TNS3: variants seen among roughly 807,000 people sequenced by gnomAD.
The protein encoded by TNS3 is tensin 3.
In TNS3, 45 loss-of-function variants were observed where a neutral mutation model predicts 140.9. The ratio of observed to expected loss-of-function variants is 0.32; its 90% CI spans 0.25 to 0.41. TNS3 has a LOEUF of 0.41. Among genes scored for constraint, TNS3 ranks in the 10% least tolerant of loss-of-function variants. The pLI, the probability that TNS3 is intolerant of heterozygous loss-of-function variation, is 1.00. For missense variants in TNS3, 1,716 were observed against 1,906.7 expected, an observed-to-expected ratio of 0.90 and a Z score of 1.86; for synonymous variants, 815 against 788.4, an observed-to-expected ratio of 1.03 and a Z score of -0.56.
rs535212543 is a variant in TNS3 at position 47,550,060 on chromosome 7, A to G, written c.-264-20913T>C. ...CCACTCAGCTAAACATTGGTCCCCA[A>G]ATGCAACACTGAGGTCTCCCCTGCG... On this transcript the variant is annotated intron_variant, in intron 1 of 30. Transcript: ENST00000311160. Among the ~76,000 whole-genome samples, 212 of 148,638 alleles carry G rather than the reference A, an allele frequency of 1.4e-3. 4 individuals carry two copies. The highest frequency in any genetic ancestry group is 2.5e-3 in the Non-Finnish European group (167 of 67,106).
At chr7:47,345,159 G>T in intron 18 of TNS3, 121 bp from the exon 19 acceptor site, 5 of 716,714 alleles carry the variant, frequency 7.0e-6, no homozygotes, top group Non-Finnish European at 1.2e-5. Flanking sequence ...CTGACAGTAG[G>T]ACAAGGAGGC....
At chr7:47,290,035 A>G (rs1176218934) in intron 27 of TNS3, among the ~76,000 whole-genome samples, 1 of 152,260 alleles carries the variant, frequency 6.6e-6, no homozygotes, top group Non-Finnish European at 1.5e-5. Context: ...GATATTGGTG[A>G]AAGAACAAAT....
chr7:47,535,479 G>C (rs1201553373), intron 1 of TNS3, among the ~76,000 whole-genome samples: 1 of 152,248 alleles, frequency 6.6e-6, no homozygotes, highest in African/African-American at 2.4e-5. Context: ...TGTGAAATGA[G>C]ACCAGACGGG....
At chr7:47,331,111 C>T (rs866928581) in intron 20 of TNS3, among the ~76,000 whole-genome samples, 4 of 152,188 alleles carry the variant, frequency 2.6e-5, no homozygotes, top group Admixed American at 1.3e-4. Context: ...GCCTCAAAGA[C>T]GGTGCCACTC....
chr7:47,395,870 G>C (rs1356913118), intron 16 of TNS3, among the ~76,000 whole-genome samples: 1 of 152,124 alleles, frequency 6.6e-6, no homozygotes, highest in Non-Finnish European at 1.5e-5. Flanking sequence ...GCCTATGAAG[G>C]AGCAAGCTTT....
intron 17 of TNS3, among the ~76,000 whole-genome samples, chr7:47,353,776 C>T (rs755781475): frequency 2.0e-5 from 3 of 152,108 alleles, no homozygotes; most frequent in Non-Finnish European, 4.4e-5. Flanking sequence ...CCTCAGCTGC[C>T]CTGGTCTTGC....
intron 1 of TNS3, among the ~76,000 whole-genome samples, chr7:47,546,858 C>G (rs1370745275): frequency 6.6e-6 from 1 of 152,174 alleles, no homozygotes; most frequent in Non-Finnish European, 1.5e-5. Context: ...CAGCACCCGC[C>G]TGGTAAGACA....
intron 17 of TNS3, among the ~76,000 whole-genome samples, chr7:47,352,353 C>T (rs1789735049): frequency 6.6e-6 from 1 of 152,216 alleles, no homozygotes; most frequent in Non-Finnish European, 1.5e-5. Flanking sequence ...CACAGTCTCA[C>T]ACTCATTCTC....
At chr7:47,305,221 T>A (rs1786677596) in intron 20 of TNS3, among the ~76,000 whole-genome samples, 1 of 152,158 alleles carries the variant, frequency 6.6e-6, no homozygotes, top group African/African-American at 2.4e-5. Context: ...CATCACTGTT[T>A]CCAAAAATAA....
At chr7:47,366,021 T>A (rs1790679658) in intron 17 of TNS3, among the ~76,000 whole-genome samples, 1 of 152,170 alleles carries the variant, frequency 6.6e-6, no homozygotes, top group South Asian at 2.1e-4. Flanking sequence ...CCACATACAC[T>A]CAGATGCCTC....
chr7:47,482,179 T>G (rs1188744357), intron 3 of TNS3, among the ~76,000 whole-genome samples: 1 of 152,236 alleles, frequency 6.6e-6, no homozygotes, highest in Non-Finnish European at 1.5e-5. Context: ...TCTGAAAATG[T>G]GCAACCGAAG....
intron 1 of TNS3, among the ~76,000 whole-genome samples, chr7:47,547,676 G>C (rs370174003): frequency 2.0e-5 from 3 of 152,212 alleles, no homozygotes; most frequent in African/African-American, 7.2e-5. Flanking sequence ...GGAGCCCTCA[G>C]CATGGCCCCA....
At chr7:47,447,043 C>A (rs1033106095) in intron 4 of TNS3, among the ~76,000 whole-genome samples, 1 of 91,058 alleles carries the variant, frequency 1.1e-5, no homozygotes, top group Non-Finnish European at 2.8e-5. Context: ...ATCCTGGCCA[C>A]GTGACAAACT....
intron 16 of TNS3, among the ~76,000 whole-genome samples, chr7:47,389,525 C>A (rs376115857): frequency 6.6e-6 from 1 of 152,208 alleles, no homozygotes; most frequent in African/African-American, 2.4e-5. Context: ...TGATTCCTGT[C>A]GGATTCGAAA....
At chr7:47,301,325 G>A (rs1204874367) in intron 23 of TNS3, among the ~76,000 whole-genome samples, 1 of 152,192 alleles carries the variant, frequency 6.6e-6, no homozygotes, top group Admixed American at 6.5e-5. Context: ...TGCCTTGCCA[G>A]TCACACACCA....
intron 16 of TNS3, among the ~76,000 whole-genome samples, chr7:47,385,502 G>A (rs1584533370): frequency 6.6e-6 from 1 of 152,102 alleles, no homozygotes; most frequent in African/African-American, 2.4e-5. Context: ...GAGAGGCAGG[G>A]AGGAGATGGA....
At chr7:47,397,044 G>A (rs965254857) in intron 15 of TNS3, 140 bp from the exon 16 acceptor site, 2 of 651,918 alleles carry the variant, frequency 3.1e-6, no homozygotes, top group African/African-American at 3.6e-5. Context: ...CCTGCCAGGA[G>A]CCACAACACT....
intron 4 of TNS3, among the ~76,000 whole-genome samples, chr7:47,456,504 G>C (rs938384316): frequency 6.6e-6 from 1 of 152,146 alleles, no homozygotes; most frequent in African/African-American, 2.4e-5. Context: ...TTAATACTGT[G>C]CCTGGAACAC....
intron 8 of TNS3, among the ~76,000 whole-genome samples, chr7:47,431,012 C>T (rs1019817155): frequency 2.0e-5 from 3 of 152,000 alleles, no homozygotes; most frequent in Admixed American, 6.6e-5. Context: ...CATGAGCCAC[C>T]GCGCCTGGCC....
Sources: allele counts gnomAD v4.1 joint callset (sites outside exome capture counted in the v4.1 genomes callset), GRCh38; gene constraint gnomAD v4.1.1; transcripts MANE v1.5; gene names NCBI Gene and HGNC (gene_info 2026-07-23, HGNC 2026-07-21).